Variants in CSMD2 observed in about 807,000 individuals in gnomAD.
The protein encoded by CSMD2 is CUB and Sushi multiple domains 2.
Under a neutral mutation model 398.5 loss-of-function variants are expected in CSMD2, and 130 were observed. That is an observed-to-expected ratio of 0.33 (90% confidence interval 0.28 to 0.38). The LOEUF (loss-of-function observed/expected upper bound fraction) is 0.38, where lower values mean the gene tolerates loss of function less well. Among genes scored for constraint, CSMD2 ranks in the 10% least tolerant of loss-of-function variants. CSMD2 has a pLI of 1.00. For missense variants in CSMD2, 3,829 were observed against 4,764.9 expected, an observed-to-expected ratio of 0.80 and a Z score of 5.78; for synonymous variants, 1,828 against 1,908.5, an observed-to-expected ratio of 0.96 and a Z score of 1.10.
chr1:34,040,124 G>A (rs575008451), intron 2 of CSMD2, among the ~76,000 whole-genome samples: 1 of 152,032 alleles, frequency 6.6e-6, no homozygotes, highest in Non-Finnish European at 1.5e-5. Context: ...CTAGGAGTTC[G>A]AAGCTGCAGT....
At chr1:33,654,289 C>T (rs1389396512) in intron 27 of CSMD2, among the ~76,000 whole-genome samples, 1 of 152,150 alleles carries the variant, frequency 6.6e-6, no homozygotes, top group Non-Finnish European at 1.5e-5. Context: ...ATTATTCTTC[C>T]TGATTTATAA....
At chr1:33,550,975 A>C (rs371512974) in intron 55 of CSMD2, among the ~76,000 whole-genome samples, 4 of 152,342 alleles carry the variant, frequency 2.6e-5, no homozygotes, top group East Asian at 1.9e-4. Context: ...ACAGGATCAC[A>C]GGTTGATCCT....
At chr1:33,995,259 G>A (rs1053595894) in intron 3 of CSMD2, among the ~76,000 whole-genome samples, 6 of 152,176 alleles carry the variant, frequency 3.9e-5, no homozygotes, top group East Asian at 1.9e-4. Flanking sequence ...TGCTGTCTTC[G>A]CTTCTCACAA....
intron 66 of CSMD2, among the ~76,000 whole-genome samples, chr1:33,524,370 C>G (rs945619662): frequency 6.6e-6 from 1 of 152,324 alleles, no homozygotes; most frequent in Non-Finnish European, 1.5e-5. Flanking sequence ...TGGGTCCAAT[C>G]ATTTTCAAGG....
chr1:34,084,557 A>C lies in CSMD2; in HGVS notation c.404+4420T>G, dbSNP rs562394388. Among the ~76,000 whole-genome samples the C allele has an allele frequency of 7.2e-5, 11 of 152,272 alleles. No homozygotes were observed. In the East Asian group the frequency reaches 1.9e-3, roughly 27 times the overall value. ...AGAAAAAAACAAACAACCCCATCAA[A>C]AAGTGGGCGAAGGACATGAACAGAC... On this transcript the variant is annotated intron_variant, in intron 2 of 70. Transcript: ENST00000373381.
At chr1:34,151,375 A>G (rs1169755156) in intron 1 of CSMD2, among the ~76,000 whole-genome samples, 1 of 152,118 alleles carries the variant, frequency 6.6e-6, no homozygotes, top group Admixed American at 6.5e-5. Context: ...TGACAGAGGT[A>G]TGGGGTTGAA....
chr1:33,604,859 G>A (rs1351708665), intron 42 of CSMD2, among the ~76,000 whole-genome samples: 1 of 152,148 alleles, frequency 6.6e-6, no homozygotes, highest in Non-Finnish European at 1.5e-5. Flanking sequence ...GAAGAGGGGA[G>A]CAAGAGAGTT....
At chr1:34,106,300 C>A (rs973446715) in intron 1 of CSMD2, among the ~76,000 whole-genome samples, 2 of 152,154 alleles carry the variant, frequency 1.3e-5, no homozygotes, top group African/African-American at 4.8e-5. Context: ...TGCTTTCATG[C>A]AAGTCTGAGA....
At chr1:34,162,768 A>G (rs1641469019) in intron 1 of CSMD2, among the ~76,000 whole-genome samples, 1 of 152,208 alleles carries the variant, frequency 6.6e-6, no homozygotes. Flanking sequence ...CTGAGGCAGG[A>G]GAATCGCTTG....
chr1:33,611,936 T>A (rs1641034678), intron 40 of CSMD2, among the ~76,000 whole-genome samples: 2 of 152,226 alleles, frequency 1.3e-5, no homozygotes, highest in South Asian at 4.1e-4. Flanking sequence ...ATTGAAGAAA[T>A]ATATTTACTG....
At chr1:34,082,610 A>C (rs1657377319) in intron 2 of CSMD2, among the ~76,000 whole-genome samples, 2 of 152,230 alleles carry the variant, frequency 1.3e-5, no homozygotes, top group African/African-American at 4.8e-5. Context: ...CATGATGACG[A>C]TGGCGGTTTT....
At chr1:33,679,491 C>A (rs576287960) in intron 25 of CSMD2, among the ~76,000 whole-genome samples, 3 of 152,148 alleles carry the variant, frequency 2.0e-5, no homozygotes. Context: ...TGAGCCACTG[C>A]GCCCAGCCTC....
At chr1:33,783,885 T>A (rs1653162126) in intron 12 of CSMD2, among the ~76,000 whole-genome samples, 1 of 152,198 alleles carries the variant, frequency 6.6e-6, no homozygotes, top group Admixed American at 6.5e-5. Context: ...CGCCTTTGAC[T>A]TTTTATTTGA....
In CSMD2 at chr1:33,605,305, T is replaced by C; in HGVS notation, c.6509A>G (p.Asp2170Gly). ...ACCTTCACACTTGGGCAGGGGGTGGTCCCAGTTCCGGTTGGTGCCATGTTG... is the reference window on the plus strand; with the variant it reads ...ACCTTCACACTTGGGCAGGGGGTGGCCCCAGTTCCGGTTGGTGCCATGTTG... ...TCQHGTNRNW[D>G]HPLPKCEVPC... Residue 2170 changes from aspartate (D) to glycine (G), a missense_variant, in exon 42 of 71, where the codon GAC (aspartate) becomes GGC (glycine). By Grantham distance (94) the Asp-to-Gly change is moderately conservative. Around this residue, in one of 5 missense-constraint regions of CSMD2, gnomAD observed 723 missense variants for 758.6 expected, o/e 0.95. Transcript: ENST00000373381. The C allele has an allele frequency of 1.2e-6, 2 of 1,614,054 alleles. No individual in the cohort carries two copies. The highest frequency in any genetic ancestry group is 2.2e-5 in the East Asian group (1 of 44,890).
At chr1:34,029,932 T>G (rs12049172) in intron 3 of CSMD2, among the ~76,000 whole-genome samples, 1 of 152,162 alleles carries the variant, frequency 6.6e-6, no homozygotes, top group Non-Finnish European at 1.5e-5. Flanking sequence ...AGCATTCTCA[T>G]GCCTGGACTG....
intron 2 of CSMD2, among the ~76,000 whole-genome samples, chr1:34,036,839 A>T (rs1190761679): frequency 6.6e-6 from 1 of 152,232 alleles, no homozygotes; most frequent in Non-Finnish European, 1.5e-5. Flanking sequence ...AGTCTTGAGA[A>T]TGCCTCCTGA....
chr1:33,813,632 G>A (rs1657109644), intron 9 of CSMD2, among the ~76,000 whole-genome samples: 1 of 152,064 alleles, frequency 6.6e-6, no homozygotes, highest in African/African-American at 2.4e-5. Context: ...AATGGGAACA[G>A]TATCCCAGGG....
At chr1:34,029,420 A>C (rs763535077) in intron 3 of CSMD2, among the ~76,000 whole-genome samples, 1 of 152,214 alleles carries the variant, frequency 6.6e-6, no homozygotes, top group Non-Finnish European at 1.5e-5. Flanking sequence ...CTGTTGAATA[A>C]GCTCAACGAT....
At chr1:34,016,298 C>T (rs1010257416) in intron 3 of CSMD2, among the ~76,000 whole-genome samples, 1 of 152,030 alleles carries the variant, frequency 6.6e-6, no homozygotes, top group African/African-American at 2.4e-5. Context: ...AATGCTCTCC[C>T]TTCCCTTTCC....
Sources: gnomAD v4.1 joint callset for allele counts (sites outside exome capture counted in the v4.1 genomes callset) on GRCh38, gnomAD v4.1.1 for gene constraint, gnomAD v4.1.1 regional missense constraint, MANE v1.5 for transcripts, NCBI Gene and HGNC (gene_info 2026-07-23, HGNC 2026-07-21) for gene names.